MNT: variants seen among roughly 807,000 people sequenced by gnomAD.
MNT encodes the protein MAX network transcriptional repressor.
MNT carries 13 observed loss-of-function variants against 40.7 expected under a neutral mutation model. The ratio of observed to expected loss-of-function variants is 0.32; its 90% confidence interval spans 0.21 to 0.51. The LOEUF (loss-of-function observed/expected upper bound fraction) is 0.51. MNT is among the 20% of genes least tolerant of loss of function. MNT has a pLI of 0.98. For synonymous variants in MNT, 426 were observed against 354.8 expected (o/e 1.20, Z -2.26); for missense variants, 757 against 792.0 (o/e 0.96, Z 0.53).
intron 5 of MNT, 90 bp from the exon 6 acceptor site, chr17:2,387,739 A>ATGGGGC: frequency 1.3e-6 from 2 of 1,568,326 alleles, no homozygotes; most frequent in Admixed American, 1.7e-5. Context: ...TGGGAATGTG[A>ATGGGGC]TGGGGCTGGG....
In MNT at chr17:2,387,845, G is replaced by A. The variant is rs1386083225; in HGVS notation, c.1000+12C>T. On this transcript the variant is annotated intron_variant, in intron 5 of 5. Coordinates refer to ENST00000174618, the MANE Select transcript of MNT (RefSeq NM_020310.3). ...TGAGGGCTGGGGGGCCAGCGTGGGG[G>A]CTGGGGCTCACCAGAGGCGGTGGAG... 1 of 1,592,004 alleles carries A rather than the reference G, an allele frequency of 6.3e-7. No homozygotes were observed. Among genetic ancestry groups the A allele is most frequent in the Non-Finnish European group, 8.5e-7 (1 of 1,174,256 alleles).
In MNT at chr17:2,395,161, G is replaced by T; in HGVS notation, c.367C>A (p.Leu123Met). 6.9e-7 allele frequency: 1 copy of T among 1,459,696 alleles called. No individual in the cohort carries two copies. The allele number at this position is 1,459,696 out of a possible 1,614,324, so 90.4% of individuals were successfully genotyped here. ...ATGCTGAGTCCGGGGGCGCCAACCA[G>T]GGCCGGCTGACGAGGCGCCAGGGGC... is the stretch of plus-strand genomic sequence containing the variant. ...PLPLAPRQPALVGAPGLSIKE... is the reference protein window; with the variant it reads ...PLPLAPRQPAMVGAPGLSIKE... Residue 123 changes from leucine to methionine, a missense_variant, in exon 2 of 6, where the codon CTG becomes ATG. Physicochemically the swap from Leu to Met is conservative, Grantham distance 15. Coordinates refer to ENST00000174618, the MANE Select transcript of MNT (RefSeq NM_020310.3).
intron 1 of MNT, among the ~76,000 whole-genome samples, chr17:2,399,817 A>C (rs888519492): frequency 6.6e-6 from 1 of 152,170 alleles, no homozygotes; most frequent in African/African-American, 2.4e-5. Context: ...TCCAGGCGAG[A>C]GCGGGTTTGG....
rs1479731845 is a variant in MNT at position 2,387,457 on chromosome 17, A to G, written c.1193T>C (p.Val398Ala). 6.2e-7 allele frequency: 1 copy of G among 1,611,144 alleles called. No individual in the cohort carries two copies. The highest frequency in any genetic ancestry group is 1.3e-5 in the African/African-American group (1 of 74,702). Residue 398 changes from valine to alanine, a missense_variant, in exon 6 of 6, where the codon GTG (valine) becomes GCG (alanine). Val to Ala is a moderately conservative substitution (Grantham distance 64, BLOSUM62 0). Coordinates refer to ENST00000174618, the MANE Select transcript of MNT (RefSeq NM_020310.3). Reference sequence around the variant, plus strand: ...CTTCTGCTGTGGCTGCTGCTGCTGCACGGGGAGGTGGGCAGGAGGTAGGGC... The same window carrying G: ...CTTCTGCTGTGGCTGCTGCTGCTGCGCGGGGAGGTGGGCAGGAGGTAGGGC... ...SVALPPAHLP[V>A]QQQQPQQKTP...
Position 2,395,292 on chromosome 17 carries a change from G to A in MNT, c.236C>T (p.Pro79Leu), listed in dbSNP as rs765341764. Reference sequence around the variant, plus strand: ...AGTCAGTGGGGCAGGGGTGGCAAGTGGTGGTGGGGGTGCCGGCGGGGGAGC... The same window carrying A: ...AGTCAGTGGGGCAGGGGTGGCAAGTAGTGGTGGGGGTGCCGGCGGGGGAGC... ...PPAPPPAPPP[P>L]LATPAPLTVI... Residue 79 changes from proline (P) to leucine (L), a missense_variant, in exon 2 of 6, where the codon CCA becomes CTA. Physicochemically the swap from Pro to Leu is moderately conservative, Grantham distance 98 (BLOSUM62 -3). Transcript: ENST00000174618. The A allele has an allele frequency of 2.5e-6, 4 of 1,579,400 alleles. No individual in the cohort carries two copies. The highest frequency in any genetic ancestry group is 3.4e-6 in the Non-Finnish European group (4 of 1,160,184).
At position 2,395,014 on chromosome 17, in the gene MNT, G is replaced by A. The variant is rs1300148510; in HGVS notation, c.514C>T (p.Pro172Ser). The change falls in exon 2 of 6, where the codon CCT becomes TCT. Residue 172 changes from proline to serine, a missense_variant. Transcript: ENST00000174618. Reference sequence around the variant, plus strand: ...GGGTGTGGCGCTATGGTCAGGACAGGCGTGGGGAGGGGCTGCAAAGGCTTG... The same window carrying A: ...GGGTGTGGCGCTATGGTCAGGACAGACGTGGGGAGGGGCTGCAAAGGCTTG... Reference protein sequence around the residue: ...SPKPLQPLPTPVLTIAPHPGV... With the variant: ...SPKPLQPLPTSVLTIAPHPGV... The A allele has an allele frequency of 1.0e-5, 16 of 1,601,290 alleles. No homozygotes were observed. Among genetic ancestry groups the A allele is most frequent in the Non-Finnish European group, 1.3e-5 (15 of 1,174,612 alleles).
intron 5 of MNT, 99 bp from the exon 6 acceptor site, chr17:2,387,748 G>A: frequency 6.4e-7 from 1 of 1,553,538 alleles, no homozygotes; most frequent in East Asian, 2.3e-5. Flanking sequence ...GATGGGGCTG[G>A]GGCCAGGGCC....
chr17:2,393,959 A>AGGGCG lies in MNT; in HGVS notation c.807+79_807+83dup, dbSNP rs1299260038. The AGGGCG allele has an allele frequency of 3.7e-4, 303 of 822,736 alleles. 1 individual carries two copies. Among genetic ancestry groups the AGGGCG allele is most frequent in the African/African-American group, 1.4e-3 (71 of 50,390 alleles). 51.0% of individuals were successfully genotyped at this position (822,736 alleles called of 1,614,324 possible). A position where few individuals can be genotyped will look rare whatever the true frequency, so the allele number is the denominator to read the frequency against. Reference sequence around the variant, plus strand: ...GGCGCGGGGGAGCCGCCGGGGCGTGAGGGCGGGGCGGGGCGCGGCCGGGGG... The same window carrying AGGGCG: ...GGCGCGGGGGAGCCGCCGGGGCGTGAGGGCGGGGCGGGGCGGGGCGCGGCCGGGGG... On this transcript the variant is annotated intron_variant, in intron 4 of 5. Transcript: ENST00000174618.
chr17:2,388,243 A>G (rs1458626956), intron 4 of MNT, 194 bp from the exon 5 acceptor site: 2 of 564,744 alleles, frequency 3.5e-6, no homozygotes, highest in Non-Finnish European at 6.2e-6. Flanking sequence ...CAGCGTCCCA[A>G]GGAGTGTGGG....
Position 2,400,812 on chromosome 17 carries a change from C to A in MNT, c.-100G>T. 1.0e-6 allele frequency: 1 copy of A among 963,484 alleles called. No individual in the cohort carries two copies. The highest frequency in any genetic ancestry group is 1.9e-5 in the South Asian group (1 of 53,178). The allele number at this position is 963,484 out of a possible 1,614,324, so 59.7% of individuals were successfully genotyped here. ...GCAGGCAGGAGGGAGGGATCACCTC[C>A]GGGGGGCGACAGGGCTGGGCGGCGC... On this transcript the variant is annotated 5_prime_UTR_variant, in exon 1 of 6. Transcript: ENST00000174618.
Position 2,387,511 on chromosome 17 carries a change from G to C in MNT, c.1139C>G (p.Pro380Arg). 1 of 1,613,188 alleles carries C rather than the reference G, an allele frequency of 6.2e-7. No individual in the cohort carries two copies. The highest frequency in any genetic ancestry group is 8.5e-7 in the Non-Finnish European group (1 of 1,179,792). The change falls in exon 6 of 6, where the codon CCA becomes CGA. Residue 380 changes from proline (P) to arginine (R), a missense_variant. Coordinates refer to ENST00000174618, the MANE Select transcript of MNT (RefSeq NM_020310.3). ...GGAGTGGGGGTGAGGGTGTGGGTGT[G>C]GAGGCAGAGGCGCAGGGGTGGTGCT... is the stretch of plus-strand genomic sequence containing the variant. The part of the protein sequence containing the change: ...PPSTTPAPLP[P>R]HPHPHPHSVA...
At chr17:2,399,113 AGAAAG>A in intron 1 of MNT, among the ~76,000 whole-genome samples, 2 of 152,032 alleles carry the variant, frequency 1.3e-5, no homozygotes, top group South Asian at 2.1e-4. Flanking sequence ...ATAGGCAGAG[AGAAAG>A]GAAAGGAGGG....
At chr17:2,390,510 T>C (rs1190881530) in intron 4 of MNT, 2 of 152,136 alleles carry the variant, frequency 1.3e-5, no homozygotes, top group Non-Finnish European at 2.9e-5. Flanking sequence ...AGTGTAGGTT[T>C]TGTGTGCTCC....
chr17:2,393,638 G>C (rs2066544985), intron 4 of MNT: 1 of 152,948 alleles, frequency 6.5e-6, no homozygotes, highest in African/African-American at 2.4e-5. Context: ...ACAGACATTC[G>C]GGCGGAATCT....
chr17:2,397,016 G>T (rs2066582896), intron 1 of MNT, among the ~76,000 whole-genome samples: 1 of 152,164 alleles, frequency 6.6e-6, no homozygotes, highest in African/African-American at 2.4e-5. Flanking sequence ...CCTGCTCCCA[G>T]CCCCGCCCTC....
rs569901355 is a variant in MNT, at chr17:2,385,841, G to A, written c.*1060C>T. 1.3e-5 allele frequency: 2 copies of A among 152,454 alleles called. No individual in the cohort carries two copies. The highest frequency in any genetic ancestry group is 1.3e-4 in the Admixed American group (2 of 15,312). 9.4% of individuals were successfully genotyped at this position (152,454 alleles called of 1,614,324 possible). A position where few individuals can be genotyped will look rare whatever the true frequency, so the allele number is the denominator to read the frequency against. On this transcript the variant is annotated 3_prime_UTR_variant, in exon 6 of 6. Coordinates refer to ENST00000174618, the MANE Select transcript of MNT (RefSeq NM_020310.3). ...TTTACCTTCCTGATGTCTCAACGAT[G>A]TGGCTTCTATGCTCCTGGAAACAAG...
At chr17:2,400,387 C>A in intron 1 of MNT, 2 of 416,650 alleles carry the variant, frequency 4.8e-6, no homozygotes, top group South Asian at 5.9e-5. Flanking sequence ...ACAGAAGGGG[C>A]ACAGGGGTGC....
chr17:2,387,917 G>T lies in MNT; in HGVS notation c.940C>A (p.Arg314Ser). ...GGCTGGCCCGTCTGCCGCAGCACGC[G>T]GTCAATCTCCAGTACGTCCATCCAC... is the stretch of plus-strand genomic sequence containing the variant. The part of the protein sequence containing the change: ...SQWMDVLEID[R>S]VLRQTGQPED... The change falls in exon 5 of 6, where the codon CGC becomes AGC. Residue 314 changes from arginine to serine, a missense_variant. Physicochemically the swap from Arg to Ser is moderately radical, Grantham distance 110. This residue lies in a region of MNT where 345 missense variants were observed against 380.1 expected (regional missense o/e 0.91). Coordinates refer to ENST00000174618, the MANE Select transcript of MNT (RefSeq NM_020310.3). 1 of 1,608,396 alleles carries T rather than the reference G, an allele frequency of 6.2e-7. No individual in the cohort carries two copies. Among genetic ancestry groups the T allele is most frequent in the South Asian group, 1.1e-5 (1 of 90,722 alleles).
rs913537545 is a variant in MNT, at chr17:2,388,047, G to A, written c.810C>T (p.Ser270=). The A allele has an allele frequency of 1.3e-6, 2 of 1,555,396 alleles. No individual in the cohort carries two copies. The highest frequency in any genetic ancestry group is 1.4e-5 in the African/African-American group (1 of 73,242). The change falls in exon 5 of 6, where the codon TCC becomes TCT. Residue 270 remains serine, a splice_region_variant and synonymous_variant. Transcript: ENST00000174618. ...VLRTALRYIQ[S]LKRKEKEYEH... The stretch of plus-strand genomic sequence containing the variant: ...CATATTCCTTCTCCTTCCTCTTCAG[G>A]GACTGGCACACAGAGTAAGGGACAG...
Sources: gnomAD v4.1 joint callset for allele counts (sites outside exome capture counted in the v4.1 genomes callset) on GRCh38, gnomAD v4.1.1 for gene constraint, gnomAD v4.1.1 regional missense constraint, MANE v1.5 for transcripts, NCBI Gene and HGNC (gene_info 2026-07-23, HGNC 2026-07-21) for gene names.